PARN: variants seen among roughly 807,000 people sequenced by gnomAD.
PARN encodes poly(A)-specific ribonuclease PARN.
A neutral mutation model predicts 102.8 loss-of-function variants in PARN; 71 were observed. The ratio of observed to expected loss-of-function variants is 0.69; its 90% CI spans 0.57 to 0.84. The LOEUF (loss-of-function observed/expected upper bound fraction) is 0.84. PARN is among the 40% of genes least tolerant of loss of function. The pLI is 0.00. For missense variants in PARN, 782 were observed against 760.9 expected (o/e 1.03, Z -0.33); for synonymous variants, 261 against 252.9 (o/e 1.03, Z -0.30).
chr16:14,596,844 T>C (rs1970549275), intron 12 of PARN, among the ~76,000 whole-genome samples: 1 of 151,154 alleles, frequency 6.6e-6, no homozygotes, highest in Non-Finnish European at 1.5e-5. Flanking sequence ...TACAGTGCAA[T>C]GGTGCAATCT....
chr16:14,584,297 T>A (rs1271739846), intron 16 of PARN, 50 bp downstream of exon 16: 1 of 1,278,228 alleles, frequency 7.8e-7, no homozygotes, highest in South Asian at 1.2e-5. Flanking sequence ...ACAATATACA[T>A]CAATAATTAT....
chr16:14,630,189 C>A lies in PARN; in HGVS notation c.-64G>T. ...GCGCCCGCCTCAGCGGTTCTACTCGCCGAATTCCGCGGCGACTGCGGCAGT... is the reference window on the plus strand; with the variant it reads ...GCGCCCGCCTCAGCGGTTCTACTCGACGAATTCCGCGGCGACTGCGGCAGT... On this transcript the variant is annotated 5_prime_UTR_variant, in exon 1 of 24. Transcript: ENST00000437198. 6.9e-7 allele frequency: 1 copy of A among 1,448,142 alleles called. No individual in the cohort carries two copies. Among genetic ancestry groups the A allele is most frequent in the Non-Finnish European group, 9.4e-7 (1 of 1,061,626 alleles). 89.7% of individuals were successfully genotyped at this position (1,448,142 alleles called of 1,614,324 possible). A position where few individuals can be genotyped will look rare whatever the true frequency, so the allele number is the denominator to read the frequency against.
intron 15 of PARN, 75 bp from the exon 16 acceptor site, chr16:14,584,497 C>CG: frequency 8.2e-7 from 1 of 1,217,988 alleles, no homozygotes; most frequent in Non-Finnish European, 1.2e-6. Flanking sequence ...CACTGACCCC[C>CG]CCAAAAAAAA....
At chr16:14,621,342 G>C (rs1385182829) in intron 5 of PARN, among the ~76,000 whole-genome samples, 1 of 152,118 alleles carries the variant, frequency 6.6e-6, no homozygotes, top group Non-Finnish European at 1.5e-5. Flanking sequence ...TTATCCCACT[G>C]AATTCAAAGT....
At chr16:14,592,473 G>T (rs181531957) in intron 13 of PARN, among the ~76,000 whole-genome samples, 5 of 152,228 alleles carry the variant, frequency 3.3e-5, no homozygotes, top group African/African-American at 1.2e-4. Flanking sequence ...GACAAGTAAC[G>T]TGAGGCCACG....
chr16:14,533,484 AG>A (rs1966472216), intron 21 of PARN, among the ~76,000 whole-genome samples: 1 of 130,066 alleles, frequency 7.7e-6, no homozygotes, highest in Non-Finnish European at 1.7e-5. Flanking sequence ...AGGGAGAGGG[AG>A]AGGGAGAGGT....
At chr16:14,529,287 T>C (rs1042596207) in intron 21 of PARN, among the ~76,000 whole-genome samples, 4 of 152,208 alleles carry the variant, frequency 2.6e-5, no homozygotes, top group Admixed American at 6.5e-5. Flanking sequence ...GGTAGATTGG[T>C]TGCCAGCACG....
chr16:14,463,580 T>C (rs1035362557), intron 22 of PARN, among the ~76,000 whole-genome samples: 1 of 152,088 alleles, frequency 6.6e-6, no homozygotes, highest in African/African-American at 2.4e-5. Flanking sequence ...TTGAAAATGA[T>C]AAGCTACAAA....
At chr16:14,585,677 C>G (rs1969809366) in intron 14 of PARN, among the ~76,000 whole-genome samples, 1 of 152,208 alleles carries the variant, frequency 6.6e-6, no homozygotes, top group African/African-American at 2.4e-5. Flanking sequence ...CTTGAACACT[C>G]TCAATTGGAC....
At chr16:14,466,452 G>A (rs546964325) in intron 22 of PARN, among the ~76,000 whole-genome samples, 4 of 152,238 alleles carry the variant, frequency 2.6e-5, no homozygotes, top group South Asian at 2.1e-4. Flanking sequence ...GCTCTGTTAC[G>A]ATTTGGCTTT....
At chr16:14,456,860 C>G (rs1263453682) in intron 22 of PARN, among the ~76,000 whole-genome samples, 4 of 152,254 alleles carry the variant, frequency 2.6e-5, no homozygotes, top group Non-Finnish European at 5.9e-5. Flanking sequence ...CTTACCTTGT[C>G]ACATTCATTC....
rs559126220 is a variant in PARN, at chr16:14,582,079, C to T, written c.1192+102G>A. 6.7e-5 allele frequency: 53 copies of T among 791,122 alleles called. No individual in the cohort carries two copies. The African/African-American group carries it at 7.3e-4, about 11-fold the overall frequency. 49.0% of individuals were successfully genotyped at this position (791,122 alleles called of 1,614,324 possible). A position where few individuals can be genotyped will look rare whatever the true frequency, so the allele number is the denominator to read the frequency against. On this transcript the variant is annotated intron_variant, in intron 17 of 23. Coordinates refer to ENST00000437198, the MANE Select transcript of PARN (RefSeq NM_002582.4). ...GAGAAATAAATGTCTGTTGTTTAAG[C>T]CCCACACTCGACAGTAATTTATTAC...
chr16:14,514,925 C>T (rs1326847577), intron 21 of PARN, among the ~76,000 whole-genome samples: 1 of 152,192 alleles, frequency 6.6e-6, no homozygotes, highest in African/African-American at 2.4e-5. Flanking sequence ...TTAAATCAAG[C>T]TGTTAATTAT....
chr16:14,489,881 A>G (rs1012032092), intron 21 of PARN, among the ~76,000 whole-genome samples: 28 of 152,252 alleles, frequency 1.8e-4, no homozygotes, highest in Non-Finnish European at 4.0e-4. Flanking sequence ...TGGTTACAAC[A>G]AAGAGGGCTG....
chr16:14,497,239 TATA>T, intron 21 of PARN, among the ~76,000 whole-genome samples: 1 of 152,290 alleles, frequency 6.6e-6, no homozygotes, highest in East Asian at 1.9e-4. Flanking sequence ...ACCTGAACTC[TATA>T]ACACAACACA....
chr16:14,536,344 A>G (rs755455519), intron 21 of PARN, among the ~76,000 whole-genome samples: 71 of 152,330 alleles, frequency 4.7e-4, no homozygotes, highest in South Asian at 1.4e-3. Flanking sequence ...CAACTATTTC[A>G]TTATATCTAC....
At chr16:14,620,706 A>C (rs1353270714) in intron 5 of PARN, among the ~76,000 whole-genome samples, 1 of 152,198 alleles carries the variant, frequency 6.6e-6, no homozygotes, top group Admixed American at 6.5e-5. Flanking sequence ...ATTTACTTAT[A>C]ATTCAAGGGT....
intron 22 of PARN, among the ~76,000 whole-genome samples, chr16:14,454,428 T>A (rs758424041): frequency 5.3e-5 from 8 of 152,246 alleles, no homozygotes; most frequent in Non-Finnish European, 1.2e-4. Context: ...GTCCAATTTA[T>A]CAACATTTTT....
intron 20 of PARN, among the ~76,000 whole-genome samples, chr16:14,552,945 T>C (rs1342352333): frequency 6.6e-6 from 1 of 151,418 alleles, no homozygotes; most frequent in Admixed American, 6.6e-5. Flanking sequence ...CGAAACTCTG[T>C]CTCAAAAAAA....
Sources: allele counts gnomAD v4.1 joint callset (sites outside exome capture counted in the v4.1 genomes callset), GRCh38; gene constraint gnomAD v4.1.1; transcripts MANE v1.5; gene names NCBI Gene and HGNC (gene_info 2026-07-23, HGNC 2026-07-21).